Variants in PDE4B observed in about 807,000 individuals in gnomAD.
PDE4B encodes 3',5'-cyclic-AMP phosphodiesterase 4B.
PDE4B carries 20 observed loss-of-function variants against 82.2 expected under a neutral mutation model. The observed-to-expected ratio is 0.24, with a 90% CI of 0.17 to 0.35. The LOEUF is 0.35. Ranked by LOEUF, PDE4B falls within the 10% of genes least tolerant of loss-of-function variation. The pLI, the probability that PDE4B is intolerant of heterozygous loss-of-function variation, is 1.00. For missense variants in PDE4B, 655 were observed against 907.2 expected (o/e 0.72, Z 3.57); for synonymous variants, 320 against 318.9 (o/e 1.00, Z -0.04).
chr1:66,185,289 C>T (rs12142083), intron 3 of PDE4B, among the ~76,000 whole-genome samples: 28,872 of 152,088 alleles, frequency 0.19, 2,867 homozygotes, highest in African/African-American at 0.2. Flanking sequence ...TGAATAGTGC[C>T]GCAATAAACA....
At chr1:65,958,150 C>T (rs1649351336) in intron 3 of PDE4B, among the ~76,000 whole-genome samples, 1 of 151,918 alleles carries the variant, frequency 6.6e-6, no homozygotes, top group Admixed American at 6.6e-5. Flanking sequence ...GTTATGGGCG[C>T]TTTTTGCGTT....
intron 3 of PDE4B, among the ~76,000 whole-genome samples, chr1:65,944,288 C>G (rs2100553988): frequency 1.3e-5 from 2 of 151,846 alleles, no homozygotes; most frequent in Middle Eastern, 6.8e-3. Context: ...GTTGAATCAT[C>G]CTTGCATCCC....
intron 3 of PDE4B, chr1:65,993,254 C>A: frequency 1.3e-6 from 1 of 752,528 alleles, no homozygotes; most frequent in Non-Finnish European, 2.1e-6. Context: ...AAACATACTG[C>A]AAGTGTGAAA....
At position 66,367,939 on chromosome 1, in the gene PDE4B, C is replaced by G. The variant is rs201588931; in HGVS notation, c.1540-4C>G. ...TAAGAGTTTTCATTTTCTTTTTACC[C>G]AAGGTGTTAGCAACTGATATGTCTA... is the stretch of plus-strand genomic sequence containing the variant. On this transcript the variant is annotated splice_polypyrimidine_tract_variant and splice_region_variant and intron_variant, in intron 14 of 16. Transcript: ENST00000341517. The G allele has an allele frequency of 6.2e-7, 1 of 1,613,246 alleles. No homozygotes were observed. Among genetic ancestry groups the G allele is most frequent in the Admixed American group, 1.7e-5 (1 of 59,874 alleles).
chr1:65,880,350 A>G (rs575273305), intron 1 of PDE4B, among the ~76,000 whole-genome samples: 6 of 152,350 alleles, frequency 3.9e-5, no homozygotes, highest in African/African-American at 1.4e-4. Flanking sequence ...TATGCTGGTC[A>G]TGCTGCTCAC....
At chr1:66,043,352 A>G (rs1654500330) in intron 3 of PDE4B, among the ~76,000 whole-genome samples, 2 of 151,814 alleles carry the variant, frequency 1.3e-5, no homozygotes, top group South Asian at 4.1e-4. Flanking sequence ...AGCAGCTTAC[A>G]TGACAGCTCT....
chr1:66,206,167 A>G (rs507956), intron 3 of PDE4B, among the ~76,000 whole-genome samples: 133,737 of 152,180 alleles, frequency 0.88, 59,785 homozygotes, highest in Non-Finnish European at 0.96. Flanking sequence ...GCACTCTCGG[A>G]CCTGGATATT....
rs533009333 is a variant in PDE4B at position 65,845,600 on chromosome 1, G to A, written c.-71+52352G>A. Among the ~76,000 whole-genome samples, 3 of 152,156 alleles carry A rather than the reference G, an allele frequency of 2.0e-5. No homozygotes were observed. The South Asian group carries it at 6.2e-4, about 32-fold the overall frequency. On this transcript the variant is annotated intron_variant, in intron 1 of 16. Transcript: ENST00000341517. ...TTTAAGGAAATGTGGGCGGAATGAA[G>A]GAATAGGGAAGCAGAGCTCTTGGTA... is the stretch of plus-strand genomic sequence containing the variant.
intron 1 of PDE4B, among the ~76,000 whole-genome samples, chr1:65,804,359 A>G (rs1380810902): frequency 6.6e-6 from 1 of 152,212 alleles, no homozygotes. Flanking sequence ...CTAAGAAGGA[A>G]CAAAGGTGGT....
At chr1:66,000,126 G>T (rs915742186) in intron 3 of PDE4B, among the ~76,000 whole-genome samples, 2 of 152,124 alleles carry the variant, frequency 1.3e-5, no homozygotes, top group Non-Finnish European at 2.9e-5. Context: ...GTAAATATTT[G>T]TCTGTAGCAC....
At chr1:66,062,677 G>A (rs1655639320) in intron 3 of PDE4B, among the ~76,000 whole-genome samples, 1 of 152,064 alleles carries the variant, frequency 6.6e-6, no homozygotes, top group Non-Finnish European at 1.5e-5. Flanking sequence ...GCCTTTGGTA[G>A]AAATTAGGTA....
chr1:65,918,583 T>C lies in PDE4B; in HGVS notation c.43-14T>C, dbSNP rs780152803. On this transcript the variant is annotated splice_polypyrimidine_tract_variant and intron_variant, in intron 2 of 16. Coordinates refer to ENST00000341517, the MANE Select transcript of PDE4B (RefSeq NM_002600.4). Reference sequence around the variant, plus strand: ...TCTTTCTCTTCTTTTTTTCTTTCCCTGTGGTTCCTCCAGAATGTTAAAGAT... The same window carrying C: ...TCTTTCTCTTCTTTTTTTCTTTCCCCGTGGTTCCTCCAGAATGTTAAAGAT... 17 of 1,417,938 alleles carry C rather than the reference T, an allele frequency of 1.2e-5. No individual in the cohort carries two copies. The highest frequency in any genetic ancestry group is 2.3e-5 in the South Asian group (2 of 86,952). 87.8% of individuals were successfully genotyped at this position (1,417,938 alleles called of 1,614,324 possible). A position where few individuals can be genotyped will look rare whatever the true frequency, so the allele number is the denominator to read the frequency against.
chr1:66,088,174 G>A (rs12410862), intron 3 of PDE4B, among the ~76,000 whole-genome samples: 6,095 of 149,794 alleles, frequency 0.041, 225 homozygotes, highest in Admixed American at 0.11. Context: ...GAGAAGAGGG[G>A]TGGGGAGGAC....
At chr1:65,954,532 A>G (rs1168232984) in intron 3 of PDE4B, among the ~76,000 whole-genome samples, 1 of 152,104 alleles carries the variant, frequency 6.6e-6, no homozygotes, top group African/African-American at 2.4e-5. Flanking sequence ...GATCTCAGAA[A>G]AAAATTACCA....
intron 1 of PDE4B, among the ~76,000 whole-genome samples, chr1:65,886,725 G>T (rs1233472070): frequency 6.6e-6 from 1 of 151,918 alleles, no homozygotes; most frequent in East Asian, 1.9e-4. Flanking sequence ...CATTTTTATG[G>T]CTCAGTAGTA....
At chr1:66,252,264 A>G (rs1293825681) in intron 4 of PDE4B, among the ~76,000 whole-genome samples, 1 of 152,206 alleles carries the variant, frequency 6.6e-6, no homozygotes, top group African/African-American at 2.4e-5. Context: ...TAAATATAAC[A>G]TAAATATGAG....
intron 3 of PDE4B, among the ~76,000 whole-genome samples, chr1:66,095,912 T>C (rs1291238579): frequency 1.3e-5 from 2 of 151,926 alleles, no homozygotes; most frequent in Non-Finnish European, 2.9e-5. Context: ...TACATGCTAT[T>C]GTAAATGTTT....
In PDE4B at chr1:66,355,597, A is replaced by C. The variant is rs757527325; in HGVS notation, c.818A>C (p.Glu273Ala). 5.6e-6 allele frequency: 9 copies of C among 1,607,142 alleles called. No homozygotes were observed. The highest frequency in any genetic ancestry group is 8.5e-7 in the Non-Finnish European group (1 of 1,174,068). ...AGCCGATCAGGGAACCAGGTGTCTGAATACATTTCAAATACTTTCTTAGGT... is the reference window on the plus strand; with the variant it reads ...AGCCGATCAGGGAACCAGGTGTCTGCATACATTTCAAATACTTTCTTAGGT... Reference protein sequence around the residue: ...EMSRSGNQVSEYISNTFLDKQ... With the variant: ...EMSRSGNQVSAYISNTFLDKQ... The change falls in exon 9 of 17, where the codon GAA (glutamate) becomes GCA (alanine). Residue 273 changes from glutamate (E) to alanine (A), a missense_variant. Transcript: ENST00000341517.
At chr1:65,933,665 C>T (rs1557442187) in intron 3 of PDE4B, among the ~76,000 whole-genome samples, 1 of 150,716 alleles carries the variant, frequency 6.6e-6, no homozygotes, top group Non-Finnish European at 1.5e-5. Flanking sequence ...GGCGAGAATC[C>T]GTCTAAAAAA....
Sources: allele counts gnomAD v4.1 joint callset (sites outside exome capture counted in the v4.1 genomes callset), GRCh38; gene constraint gnomAD v4.1.1; transcripts MANE v1.5; gene names NCBI Gene and HGNC (gene_info 2026-07-23, HGNC 2026-07-21).